The following CDKL2 variants were observed in gnomAD, a reference collection of about 807,000 sequenced individuals.
CDKL2 encodes the protein cyclin-dependent kinase-like 2.
In CDKL2, 64 loss-of-function variants were observed where a neutral mutation model predicts 63.9. That is an observed-to-expected ratio of 1.00 (90% CI 0.82 to 1.23). The LOEUF is 1.23. CDKL2 is among the 50% of genes most tolerant of loss of function. The probability of loss-of-function intolerance (pLI) is 0.00; values close to 1 mark genes in which losing one functional copy is unlikely to be tolerated. For synonymous variants in CDKL2, 211 were observed against 229.2 expected, an observed-to-expected ratio of 0.92 and a Z score of 0.72; for missense variants, 656 against 668.0, an observed-to-expected ratio of 0.98 and a Z score of 0.20.
rs1006455309 is a variant in CDKL2 at position 75,599,304 on chromosome 4, G to A, written c.884+977C>T. Among the ~76,000 whole-genome samples, 34 of 152,114 alleles carry A rather than the reference G, an allele frequency of 2.2e-4. 1 individual carries two copies. The highest frequency in any genetic ancestry group is 5.0e-4 in the Non-Finnish European group (34 of 68,022). ...GGGCCAGGAACGGTGGCTCATGCCTGTAATCCCAGCACTTTAGGAGGCCCA... is the reference window on the plus strand; with the variant it reads ...GGGCCAGGAACGGTGGCTCATGCCTATAATCCCAGCACTTTAGGAGGCCCA... On this transcript the variant is annotated intron_variant, in intron 7 of 13. Transcript: ENST00000307465.
rs79924181 is a variant in CDKL2, at chr4:75,603,829, T to C, written c.783A>G (p.Ile261Met). Residue 261 changes from isoleucine (I) to methionine (M), a missense_variant, in exon 6 of 14, where the codon ATA (isoleucine) becomes ATG (methionine). By Grantham distance (10) the Ile-to-Met change is conservative. Transcript: ENST00000307465. ...RRYPKLSEVV[I>M]DLAKKCLHID... Reference sequence around the variant, plus strand: ...TAAGTATGATTACCTTTGCTAAATCTATCACCACTTCAGAGAGCTTAGGAT... The same window carrying C: ...TAAGTATGATTACCTTTGCTAAATCCATCACCACTTCAGAGAGCTTAGGAT... 68 of 1,597,194 alleles carry C rather than the reference T, an allele frequency of 4.3e-5. No homozygotes were observed. In the African/African-American group the frequency reaches 7.9e-4, roughly 19 times the overall value.
At chr4:75,586,992 G>C (rs1253400887) in intron 12 of CDKL2, among the ~76,000 whole-genome samples, 1 of 152,126 alleles carries the variant, frequency 6.6e-6, no homozygotes, top group African/African-American at 2.4e-5. Flanking sequence ...CAATAAAATA[G>C]GGAACTGACA....
chr4:75,627,720 A>AATTTT (rs1730485525), intron 1 of CDKL2, among the ~76,000 whole-genome samples: 1 of 133,184 alleles, frequency 7.5e-6, no homozygotes, highest in South Asian at 2.6e-4. Flanking sequence ...ATTTTTCTTT[A>AATTTT]CTTTTTTTTT....
At chr4:75,622,769 AG>A in intron 2 of CDKL2, among the ~76,000 whole-genome samples, 1 of 151,076 alleles carries the variant, frequency 6.6e-6, no homozygotes, top group Middle Eastern at 3.4e-3. Context: ...AAGAAACAAA[AG>A]GATTATACAA....
chr4:75,607,282 G>A lies in CDKL2; in HGVS notation c.443C>T (p.Ala148Val), dbSNP rs749292580. Reference sequence around the variant, plus strand: ...CTCCCCAGGAGCTGCCAATGTTCGCGCAAATCCAAAATCGCATAGCTTGAC... The same window carrying A: ...CTCCCCAGGAGCTGCCAATGTTCGCACAAATCCAAAATCGCATAGCTTGAC... ...GVVKLCDFGF[A>V]RTLAAPGEVY... Residue 148 changes from alanine (A) to valine (V), a missense_variant, in exon 4 of 14, where the codon GCG (alanine) becomes GTG (valine). Physicochemically the swap from Ala to Val is moderately conservative, Grantham distance 64. Coordinates refer to ENST00000307465, the MANE Select transcript of CDKL2 (RefSeq NM_001330724.2). The A allele has an allele frequency of 6.2e-6, 10 of 1,613,840 alleles. No individual in the cohort carries two copies. Among genetic ancestry groups the A allele is most frequent in the South Asian group, 4.4e-5 (4 of 91,046 alleles).
At chr4:75,580,491 C>T (rs777560965) in intron 13 of CDKL2, among the ~76,000 whole-genome samples, 1 of 151,458 alleles carries the variant, frequency 6.6e-6, no homozygotes, top group Admixed American at 6.6e-5. Flanking sequence ...CATGGTGAAA[C>T]CCCATCTCTA....
intron 13 of CDKL2, among the ~76,000 whole-genome samples, chr4:75,580,357 T>C (rs971429791): frequency 6.6e-6 from 1 of 152,142 alleles, no homozygotes; most frequent in Non-Finnish European, 1.5e-5. Flanking sequence ...CTTGAGCAAA[T>C]AAATTATCAT....
chr4:75,624,646 C>G (rs999850003), intron 2 of CDKL2, among the ~76,000 whole-genome samples: 1 of 150,512 alleles, frequency 6.6e-6, no homozygotes, highest in African/African-American at 2.4e-5. Context: ...GTCAGGAGAT[C>G]GAGACCATCC....
rs548677333 is a variant in CDKL2, at chr4:75,625,912, G to A, written c.77C>T (p.Thr26Ile). The change falls in exon 2 of 14, where the codon ACT (threonine) becomes ATT (isoleucine). Residue 26 changes from threonine (T) to isoleucine (I), a missense_variant. Coordinates refer to ENST00000307465, the MANE Select transcript of CDKL2 (RefSeq NM_001330724.2). ...CTTCTTTATGGCCACAATTCTTCCA[G>A]TATCTTTATTCCTACACTTCATCAC... ...GMVMKCRNKDTGRIVAIKKFL... is the reference protein window; with the variant it reads ...GMVMKCRNKDIGRIVAIKKFL... The A allele has an allele frequency of 8.7e-6, 14 of 1,612,484 alleles. No homozygotes were observed. In the East Asian group the frequency reaches 1.6e-4, roughly 18 times the overall value.
intron 1 of CDKL2, 112 bp from the exon 2 acceptor site, chr4:75,626,129 G>T: frequency 1.5e-6 from 1 of 680,188 alleles, no homozygotes; most frequent in South Asian, 1.8e-5. Flanking sequence ...TGTGTTCATG[G>T]CTGTCCTGTA....
intron 5 of CDKL2, among the ~76,000 whole-genome samples, chr4:75,604,652 T>C (rs980308633): frequency 6.6e-6 from 1 of 152,232 alleles, no homozygotes; most frequent in East Asian, 1.9e-4. Context: ...GAAATCTCTG[T>C]GTCTCTCCTC....
chr4:75,598,826 AGACT>A (rs1351492912), intron 7 of CDKL2, among the ~76,000 whole-genome samples: 4 of 152,208 alleles, frequency 2.6e-5, no homozygotes, highest in African/African-American at 7.2e-5. Context: ...CTTGAAAGAA[AGACT>A]GACAGAAAAA....
At chr4:75,593,406 T>C (rs1213621150) in intron 10 of CDKL2, among the ~76,000 whole-genome samples, 1 of 152,040 alleles carries the variant, frequency 6.6e-6, no homozygotes, top group Non-Finnish European at 1.5e-5. Flanking sequence ...AACATACAAG[T>C]TGAAGAAAGT....
intron 10 of CDKL2, among the ~76,000 whole-genome samples, chr4:75,594,426 C>T (rs1454396803): frequency 2.7e-5 from 4 of 150,200 alleles, no homozygotes; most frequent in East Asian, 1.9e-4. Flanking sequence ...CCAGCCTGGG[C>T]GACAGAGCGA....
intron 3 of CDKL2, among the ~76,000 whole-genome samples, chr4:75,612,849 G>T (rs1729761549): frequency 6.6e-6 from 1 of 152,248 alleles, no homozygotes; most frequent in African/African-American, 2.4e-5. Flanking sequence ...TCTGGGCCGG[G>T]AGCGGTGGCT....
intron 2 of CDKL2, among the ~76,000 whole-genome samples, chr4:75,620,947 T>A (rs1012682793): frequency 6.6e-6 from 1 of 151,940 alleles, no homozygotes; most frequent in African/African-American, 2.4e-5. Context: ...CATTTTTTTT[T>A]TTTTTTGAGA....
At chr4:75,624,502 G>A (rs1299044185) in intron 2 of CDKL2, among the ~76,000 whole-genome samples, 1 of 149,994 alleles carries the variant, frequency 6.7e-6, no homozygotes, top group East Asian at 2.1e-4. Context: ...AGTGAGCCAT[G>A]ATCATGCCAC....
intron 2 of CDKL2, among the ~76,000 whole-genome samples, chr4:75,618,086 G>A (rs13123212): frequency 0.25 from 30,971 of 122,334 alleles, 4,068 homozygotes; most frequent in Middle Eastern, 0.43. Context: ...GGGCAACAGA[G>A]CGAGACTCTG....
At chr4:75,611,973 C>CT (rs201957331) in intron 3 of CDKL2, among the ~76,000 whole-genome samples, 4,957 of 148,054 alleles carry the variant, frequency 0.033, 248 homozygotes, top group African/African-American at 0.12. Context: ...ATTTTAAAAT[C>CT]TTTTTTTTTG....
Sources: allele counts gnomAD v4.1 joint callset (sites outside exome capture counted in the v4.1 genomes callset), GRCh38; gene constraint gnomAD v4.1.1; transcripts MANE v1.5; gene names NCBI Gene and HGNC (gene_info 2026-07-23, HGNC 2026-07-21).